ELAPOR2: variants seen among roughly 807,000 people sequenced by gnomAD.
ELAPOR2 encodes the protein endosome/lysosome-associated apoptosis and autophagy regulator family member 2.
A neutral mutation model predicts 120.7 loss-of-function variants in ELAPOR2; 89 were observed. That is an observed-to-expected ratio of 0.74 (90% confidence interval 0.62 to 0.88). ELAPOR2 has a LOEUF of 0.88. Among genes scored for constraint, ELAPOR2 ranks in the 40% least tolerant of loss-of-function variants. The pLI is 0.00. For missense variants in ELAPOR2, 1,134 were observed against 1,251.6 expected (o/e 0.91, Z 1.42); for synonymous variants, 444 against 444.9 (o/e 1.00, Z 0.03).
chr7:86,954,105 A>G (rs1348274051), intron 2 of ELAPOR2, among the ~76,000 whole-genome samples: 1 of 152,192 alleles, frequency 6.6e-6, no homozygotes, highest in African/African-American at 2.4e-5. Flanking sequence ...CAATTTACTT[A>G]ACCTCTGTGC....
chr7:86,895,703 G>A (rs1366941938), intron 19 of ELAPOR2, among the ~76,000 whole-genome samples: 1 of 152,084 alleles, frequency 6.6e-6, no homozygotes, highest in Non-Finnish European at 1.5e-5. Flanking sequence ...CAAATTTACT[G>A]TCTTAACCTT....
Position 86,989,387 on chromosome 7 carries a change from G to A in ELAPOR2, c.190-24363C>T, listed in dbSNP as rs111475739. ...AATTTCAGAAAGCCCAGAGCAGACA[G>A]GTGCAGTGGGCTATAGACTGCTATT... On this transcript the variant is annotated intron_variant, in intron 1 of 21. Coordinates refer to ENST00000450689, the MANE Select transcript of ELAPOR2 (RefSeq NM_001142749.3). 9.7e-3 allele frequency among the ~76,000 whole-genome samples: 1,473 copies of A among 152,320 alleles called. 14 individuals carry two copies. Among genetic ancestry groups the A allele is most frequent in the Non-Finnish European group, 0.014 (924 of 68,032 alleles).
chr7:86,987,915 C>T (rs565746831), intron 1 of ELAPOR2, among the ~76,000 whole-genome samples: 2 of 152,220 alleles, frequency 1.3e-5, no homozygotes, highest in South Asian at 2.1e-4. Context: ...TATTGTGACA[C>T]TACTCACAAT....
chr7:86,998,545 T>G (rs1468387833), intron 1 of ELAPOR2, among the ~76,000 whole-genome samples: 1 of 152,172 alleles, frequency 6.6e-6, no homozygotes, highest in African/African-American at 2.4e-5. Context: ...GAGAGTTTGT[T>G]GTAGGAGGGT....
At chr7:86,961,017 T>C (rs991239718) in intron 2 of ELAPOR2, among the ~76,000 whole-genome samples, 1 of 152,184 alleles carries the variant, frequency 6.6e-6, no homozygotes, top group Non-Finnish European at 1.5e-5. Flanking sequence ...ATAAAAGTCA[T>C]GTTTGAAGCC....
At chr7:87,047,283 T>A (rs1034627574) in intron 1 of ELAPOR2, among the ~76,000 whole-genome samples, 5 of 152,164 alleles carry the variant, frequency 3.3e-5, no homozygotes, top group African/African-American at 1.2e-4. Flanking sequence ...TGGGCAAAAA[T>A]TTCTTGAGCA....
At chr7:87,005,330 A>C (rs1425074341) in intron 1 of ELAPOR2, among the ~76,000 whole-genome samples, 1 of 128,840 alleles carries the variant, frequency 7.8e-6, no homozygotes, top group Non-Finnish European at 1.6e-5. Context: ...GTGTTTCCTC[A>C]ATAGGGCTAA....
intron 1 of ELAPOR2, among the ~76,000 whole-genome samples, chr7:87,042,788 C>CA (rs1161676068): frequency 6.6e-6 from 1 of 151,922 alleles, no homozygotes; most frequent in Non-Finnish European, 1.5e-5. Flanking sequence ...AATAGAGACA[C>CA]AAAAAACCCT....
intron 1 of ELAPOR2, among the ~76,000 whole-genome samples, chr7:87,001,672 T>C (rs764629168): frequency 1.8e-4 from 27 of 152,074 alleles, no homozygotes; most frequent in Non-Finnish European, 3.1e-4. Context: ...ACAAGGGCTG[T>C]TCTCATAGAA....
At position 86,928,350 on chromosome 7, in the gene ELAPOR2, TTTCTTAAAA is replaced by T. The variant is rs1237130458; in HGVS notation, c.1090-1443_1090-1435del. Among the ~76,000 whole-genome samples, 2 of 152,002 alleles carry T rather than the reference TTTCTTAAAA, an allele frequency of 1.3e-5. 1 individual carries two copies. On this transcript the variant is annotated intron_variant, in intron 8 of 21. Transcript: ENST00000450689. ...AACATCATCATATTGGAGAGATTAC[TTTCTTAAAA>T]TTCTGGTTTAACAAGCATAGAAAAC...
At chr7:87,007,275 A>C (rs919574642) in intron 1 of ELAPOR2, among the ~76,000 whole-genome samples, 1 of 152,186 alleles carries the variant, frequency 6.6e-6, no homozygotes, top group African/African-American at 2.4e-5. Flanking sequence ...ACAATTCTGA[A>C]ACCAATTTCC....
chr7:86,926,816 G>A lies in ELAPOR2; in HGVS notation c.1190C>T (p.Pro397Leu), dbSNP rs1338033184. The change falls in exon 9 of 22, where the codon CCT becomes CTT. Residue 397 changes from proline (P) to leucine (L), a missense_variant. By Grantham distance (98) the Pro-to-Leu change is moderately conservative. Around this residue, in one of 3 missense-constraint regions of ELAPOR2, gnomAD observed 831 missense variants for 867.6 expected, o/e 0.96. Transcript: ENST00000450689. ...PPSGEKKDCP[P>L]CNPGFYNNGS... Reference sequence around the variant, plus strand: ...ATTGTTATAAAATCCAGGGTTGCAAGGCGGACAATCCTTCTTCTCTCCAGA... The same window carrying A: ...ATTGTTATAAAATCCAGGGTTGCAAAGCGGACAATCCTTCTTCTCTCCAGA... The A allele has an allele frequency of 1.9e-6, 3 of 1,611,918 alleles. No homozygotes were observed. The highest frequency in any genetic ancestry group is 2.5e-6 in the Non-Finnish European group (3 of 1,178,944).
At chr7:87,007,604 C>A (rs1478139757) in intron 1 of ELAPOR2, among the ~76,000 whole-genome samples, 1 of 152,150 alleles carries the variant, frequency 6.6e-6, no homozygotes, top group African/African-American at 2.4e-5. Context: ...TCCCAGATGT[C>A]AGTTTCTAAA....
At chr7:86,964,166 C>T (rs1791820494) in intron 2 of ELAPOR2, among the ~76,000 whole-genome samples, 1 of 152,166 alleles carries the variant, frequency 6.6e-6, no homozygotes, top group South Asian at 2.1e-4. Context: ...AACCCAAATA[C>T]ACTCCCTCTC....
At position 87,043,906 on chromosome 7, in the gene ELAPOR2, G is replaced by A. The variant is rs572701966; in HGVS notation, c.189+15419C>T. Among the ~76,000 whole-genome samples, 1,057 of 151,776 alleles carry A rather than the reference G, an allele frequency of 7.0e-3. 6 individuals carry two copies. The highest frequency in any genetic ancestry group is 0.017 in the Middle Eastern group (5 of 294). ...CTCCTTAAGCTGATAAGCAACTTCA[G>A]CGAAGTCTCAGGATACAAAATCAGT... On this transcript the variant is annotated intron_variant, in intron 1 of 21. Coordinates refer to ENST00000450689, the MANE Select transcript of ELAPOR2 (RefSeq NM_001142749.3).
intron 1 of ELAPOR2, among the ~76,000 whole-genome samples, chr7:86,981,183 T>C (rs1792465314): frequency 6.6e-6 from 1 of 152,154 alleles, no homozygotes; most frequent in Non-Finnish European, 1.5e-5. Context: ...TCGGTTCCCT[T>C]AAATTGGTCC....
rs1401778689 is a variant in ELAPOR2 at position 87,059,500 on chromosome 7, G to A, written c.14C>T (p.Ala5Val). The part of the protein sequence containing the change: MLFR[A>V]RGPVRGRGWG... The stretch of plus-strand genomic sequence containing the variant: ...GCCCCTGCCCCGTACCGGCCCCCGG[G>A]CGCGGAACAGCATCTTCGTCCGGCC... Residue 5 changes from alanine to valine, a missense_variant, in exon 1 of 22, where the codon GCC becomes GTC. Ala to Val is a moderately conservative substitution (Grantham distance 64). This residue lies in a region of ELAPOR2 where 280 missense variants were observed against 331.5 expected (regional missense o/e 0.84). Transcript: ENST00000450689. 5 of 1,201,940 alleles carry A rather than the reference G, an allele frequency of 4.2e-6. No homozygotes were observed. The African/African-American group carries it at 6.3e-5, about 15-fold the overall frequency. The allele number at this position is 1,201,940 out of a possible 1,614,324, so 74.5% of individuals were successfully genotyped here.
At chr7:86,956,348 T>C (rs1791473207) in intron 2 of ELAPOR2, among the ~76,000 whole-genome samples, 1 of 152,190 alleles carries the variant, frequency 6.6e-6, no homozygotes, top group African/African-American at 2.4e-5. Context: ...TATGAACCCA[T>C]TCTAGCTAGC....
At chr7:86,988,025 G>T (rs1051491809) in intron 1 of ELAPOR2, among the ~76,000 whole-genome samples, 2 of 152,154 alleles carry the variant, frequency 1.3e-5, no homozygotes, top group Admixed American at 6.5e-5. Flanking sequence ...CCATAAAAAA[G>T]GATGAGTTCA....
Sources: gnomAD v4.1 joint callset for allele counts (sites outside exome capture counted in the v4.1 genomes callset) on GRCh38, gnomAD v4.1.1 for gene constraint, gnomAD v4.1.1 regional missense constraint, MANE v1.5 for transcripts, NCBI Gene and HGNC (gene_info 2026-07-23, HGNC 2026-07-21) for gene names.